The following MTUS2 variants were observed in gnomAD, a reference collection of about 807,000 sequenced individuals.
MTUS2 encodes the protein microtubule associated scaffold protein 2, also known as microtubule-associated tumor suppressor candidate 2.
In MTUS2, 40 loss-of-function variants were observed where a neutral mutation model predicts 114.1. That is an observed-to-expected ratio of 0.35 (90% CI 0.27 to 0.46). The LOEUF (loss-of-function observed/expected upper bound fraction) is 0.46, where lower values mean the gene tolerates loss of function less well. Among genes scored for constraint, MTUS2 ranks in the 20% least tolerant of loss-of-function variants. The pLI is 1.00. For missense variants in MTUS2, 1,679 were observed against 1,705.4 expected (o/e 0.98, Z 0.27); for synonymous variants, 688 against 672.0 (o/e 1.02, Z -0.37).
chr13:29,043,315 A>G (rs1294717302), intron 4 of MTUS2, among the ~76,000 whole-genome samples: 2 of 151,930 alleles, frequency 1.3e-5, no homozygotes, highest in Non-Finnish European at 2.9e-5. Flanking sequence ...TATAATTTCA[A>G]TTTTCTGAAG....
chr13:29,290,364 C>T (rs1331721028), intron 6 of MTUS2, among the ~76,000 whole-genome samples: 1 of 152,140 alleles, frequency 6.6e-6, no homozygotes, highest in African/African-American at 2.4e-5. Context: ...GAGTCTTGCT[C>T]TGTCTCCCAG....
intron 2 of MTUS2, among the ~76,000 whole-genome samples, chr13:28,846,085 A>T (rs1472262254): frequency 6.7e-6 from 1 of 149,048 alleles, no homozygotes; most frequent in African/African-American, 2.5e-5. Context: ...TTCCTCCTTC[A>T]GAATAGGGCA....
At chr13:28,901,306 C>T (rs3001951) in intron 2 of MTUS2, among the ~76,000 whole-genome samples, 19,597 of 152,116 alleles carry the variant, frequency 0.13, 1,527 homozygotes, top group African/African-American at 0.21. Context: ...TCTCCCAATG[C>T]GTAGCTTCTC....
chr13:29,431,031 T>C (rs1876955780), intron 8 of MTUS2, among the ~76,000 whole-genome samples: 1 of 152,158 alleles, frequency 6.6e-6, no homozygotes, highest in Non-Finnish European at 1.5e-5. Flanking sequence ...AATAGCAAAC[T>C]TCATTTTGAG....
At chr13:28,887,688 C>T (rs547057349) in intron 2 of MTUS2, among the ~76,000 whole-genome samples, 2 of 152,184 alleles carry the variant, frequency 1.3e-5, no homozygotes, top group African/African-American at 4.8e-5. Flanking sequence ...CCTTCATGCA[C>T]TCGGGCAAGA....
rs139576411 is a variant in MTUS2, at chr13:29,004,374, A to G, written c.-242-20083A>G. 6.6e-3 allele frequency among the ~76,000 whole-genome samples: 893 copies of G among 135,934 alleles called. 8 individuals are homozygous for G. Among genetic ancestry groups the G allele is most frequent in the African/African-American group, 0.023 (850 of 36,474 alleles). The allele number at this position is 135,934 out of a possible 152,430, so 89.2% of individuals were successfully genotyped here. Reference sequence around the variant, plus strand: ...AAAGTCTTGTCCTACAGCATTCTCTATATAGTATTATATATTCAAAATAAC... The same window carrying G: ...AAAGTCTTGTCCTACAGCATTCTCTGTATAGTATTATATATTCAAAATAAC... On this transcript the variant is annotated intron_variant, in intron 2 of 15. Transcript: ENST00000612955.
intron 5 of MTUS2, among the ~76,000 whole-genome samples, chr13:29,221,858 G>T (rs1895921123): frequency 6.6e-6 from 1 of 151,932 alleles, no homozygotes; most frequent in Admixed American, 6.6e-5. Context: ...AAGGTTTCAA[G>T]TTTCACTTTT....
chr13:29,202,862 C>T (rs1275308986), intron 5 of MTUS2, among the ~76,000 whole-genome samples: 1 of 152,188 alleles, frequency 6.6e-6, no homozygotes, highest in Admixed American at 6.5e-5. Context: ...AGATTGCTGC[C>T]TGTTCCTTCC....
At chr13:29,349,636 G>A (rs1869052858) in intron 7 of MTUS2, among the ~76,000 whole-genome samples, 1 of 151,970 alleles carries the variant, frequency 6.6e-6, no homozygotes. Flanking sequence ...TTTTTGCTTT[G>A]TTCAGAATCC....
chr13:28,836,996 G>A (rs1875130499), intron 1 of MTUS2, among the ~76,000 whole-genome samples: 1 of 152,122 alleles, frequency 6.6e-6, no homozygotes, highest in African/African-American at 2.4e-5. Flanking sequence ...CTGCAACATT[G>A]GGTGATTGAA....
At chr13:28,862,414 C>T (rs562219410) in intron 2 of MTUS2, among the ~76,000 whole-genome samples, 15 of 152,152 alleles carry the variant, frequency 9.9e-5, no homozygotes, top group Middle Eastern at 3.2e-3. Context: ...AGTTTGAGAC[C>T]AGCCTGGCCA....
At position 29,199,889 on chromosome 13, in the gene MTUS2, G is replaced by A. The variant is rs148299219; in HGVS notation, c.2645-81815G>A. On this transcript the variant is annotated intron_variant, in intron 5 of 15. Transcript: ENST00000612955. ...TTCAGAACTTGTTTTTGGTCTATTC[G>A]GGGATTTGACTTCTTCCTGGTTTAG... 5.9e-4 allele frequency among the ~76,000 whole-genome samples: 90 copies of A among 152,088 alleles called. No individual in the cohort carries two copies. The East Asian group carries it at 0.01, about 18-fold the overall frequency.
At chr13:28,838,876 T>G (rs1875274162) in intron 1 of MTUS2, among the ~76,000 whole-genome samples, 1 of 152,186 alleles carries the variant, frequency 6.6e-6, no homozygotes, top group African/African-American at 2.4e-5. Flanking sequence ...ATACCATTGA[T>G]GGTAAGTTAG....
chr13:29,045,528 T>C (rs1325809092), intron 4 of MTUS2, among the ~76,000 whole-genome samples: 1 of 152,082 alleles, frequency 6.6e-6, no homozygotes, highest in African/African-American at 2.4e-5. Context: ...AGCAGCAGGG[T>C]ATGTACATGA....
intron 5 of MTUS2, among the ~76,000 whole-genome samples, chr13:29,117,777 G>A (rs1408035756): frequency 6.6e-6 from 1 of 152,130 alleles, no homozygotes; most frequent in Non-Finnish European, 1.5e-5. Flanking sequence ...ACCCATTTAC[G>A]CTGACCCCTT....
At chr13:28,831,155 T>TGTATA (rs56787691) in intron 1 of MTUS2, among the ~76,000 whole-genome samples, 118,445 of 151,450 alleles carry the variant, frequency 0.78, 46,902 homozygotes, top group Non-Finnish European at 0.82. Context: ...AACTAAAAAA[T>TGTATA]GTAAAAGAAA....
intron 4 of MTUS2, among the ~76,000 whole-genome samples, chr13:29,040,138 G>T (rs540907437): frequency 1.3e-4 from 20 of 152,202 alleles, no homozygotes; most frequent in African/African-American, 4.6e-4. Context: ...CATTCCCCAA[G>T]TCCCCAAAGT....
intron 2 of MTUS2, among the ~76,000 whole-genome samples, chr13:28,864,097 C>T (rs1036424684): frequency 6.6e-6 from 1 of 152,178 alleles, no homozygotes; most frequent in Non-Finnish European, 1.5e-5. Context: ...AATTACATCC[C>T]TGCAAATTGG....
At chr13:28,923,012 G>T (rs1445164802) in intron 2 of MTUS2, among the ~76,000 whole-genome samples, 1 of 152,056 alleles carries the variant, frequency 6.6e-6, no homozygotes, top group African/African-American at 2.4e-5. Flanking sequence ...TCGCACAGGT[G>T]CTCTGTTCCT....
Sources: gnomAD v4.1 joint callset for allele counts (sites outside exome capture counted in the v4.1 genomes callset) on GRCh38, gnomAD v4.1.1 for gene constraint, MANE v1.5 for transcripts, NCBI Gene and HGNC (gene_info 2026-07-23, HGNC 2026-07-21) for gene names.